CAMK4: variants seen among roughly 807,000 people sequenced by gnomAD.
The protein encoded by CAMK4 is calcium/calmodulin dependent protein kinase IV.
CAMK4 carries 22 observed loss-of-function variants against 44.9 expected under a neutral mutation model. That is an observed-to-expected ratio of 0.49 (90% CI 0.35 to 0.70). The LOEUF (loss-of-function observed/expected upper bound fraction) is 0.70. Among genes scored for constraint, CAMK4 ranks in the 30% least tolerant of loss-of-function variants. The pLI is 0.01. For synonymous variants in CAMK4, 218 were observed against 215.4 expected, an observed-to-expected ratio of 1.01 and a Z score of -0.11; for missense variants, 498 against 586.8, an observed-to-expected ratio of 0.85 and a Z score of 1.56.
intron 1 of CAMK4, among the ~76,000 whole-genome samples, chr5:111,308,789 A>C (rs941141906): frequency 2.0e-5 from 3 of 152,266 alleles, no homozygotes; most frequent in African/African-American, 7.2e-5. Flanking sequence ...CTGTAATCTT[A>C]AAATGAAACC....
At chr5:111,445,166 T>C (rs971115611) in intron 5 of CAMK4, among the ~76,000 whole-genome samples, 1 of 152,192 alleles carries the variant, frequency 6.6e-6, no homozygotes, top group African/African-American at 2.4e-5. Flanking sequence ...ATTGTATTAC[T>C]TGTAACTTTT....
intron 1 of CAMK4, among the ~76,000 whole-genome samples, chr5:111,227,075 G>A (rs1748225731): frequency 6.6e-6 from 1 of 152,190 alleles, no homozygotes; most frequent in East Asian, 1.9e-4. Context: ...TAAGTTTTCT[G>A]TACATGGCAG....
chr5:111,395,786 C>T (rs2112864122), intron 5 of CAMK4, among the ~76,000 whole-genome samples: 1 of 152,138 alleles, frequency 6.6e-6, no homozygotes, highest in Non-Finnish European at 1.5e-5. Context: ...CTAATATGTG[C>T]TGGAACACTT....
intron 1 of CAMK4, among the ~76,000 whole-genome samples, chr5:111,231,140 C>A (rs1748453384): frequency 6.6e-6 from 1 of 152,140 alleles, no homozygotes; most frequent in South Asian, 2.1e-4. Context: ...AGTATTAGCA[C>A]ATAAAGGATG....
intron 1 of CAMK4, among the ~76,000 whole-genome samples, chr5:111,334,769 C>T (rs1749326657): frequency 6.6e-6 from 1 of 150,952 alleles, no homozygotes; most frequent in African/African-American, 2.4e-5. Context: ...CCAGTAAGCA[C>T]ATAGATTGAA....
At chr5:111,238,168 C>G (rs1748817584) in intron 1 of CAMK4, among the ~76,000 whole-genome samples, 1 of 152,058 alleles carries the variant, frequency 6.6e-6, no homozygotes, top group African/African-American at 2.4e-5. Context: ...ACCCCTAGGC[C>G]CAGAGCACTT....
chr5:111,440,050 C>T (rs1187664042), intron 5 of CAMK4, among the ~76,000 whole-genome samples: 1 of 152,154 alleles, frequency 6.6e-6, no homozygotes, highest in Non-Finnish European at 1.5e-5. Context: ...TGAGTATAGC[C>T]AGAGAAAGCT....
At chr5:111,429,915 T>TA (rs1396308474) in intron 5 of CAMK4, among the ~76,000 whole-genome samples, 1 of 91,550 alleles carries the variant, frequency 1.1e-5, no homozygotes, top group Non-Finnish European at 2.2e-5. Context: ...CTCAAACTAT[T>TA]CCAAAAAAAA....
chr5:111,370,902 A>G (rs1750978651), intron 2 of CAMK4, among the ~76,000 whole-genome samples: 1 of 127,658 alleles, frequency 7.8e-6, no homozygotes, highest in Admixed American at 8.6e-5. Context: ...TGACAAAGCG[A>G]GACTCCATCT....
intron 1 of CAMK4, chr5:111,266,186 A>T (rs1317148586): frequency 3.2e-5 from 4 of 124,148 alleles, no homozygotes; most frequent in African/African-American, 1.2e-4. Flanking sequence ...TCCTAAATAA[A>T]TATATTCACA....
intron 8 of CAMK4, among the ~76,000 whole-genome samples, chr5:111,476,259 G>A (rs1043425913): frequency 8.5e-5 from 12 of 140,590 alleles, no homozygotes; most frequent in African/African-American, 1.5e-4. Flanking sequence ...GTGTGTGTGT[G>A]TGTGTGTGTG....
chr5:111,417,711 A>G lies in CAMK4; in HGVS notation c.459+22929A>G, dbSNP rs957934333. ...TATGCCTGTTCAACTCAAAATGATT[A>G]TAGGAAATTTCCAGATATTTGACTT... On this transcript the variant is annotated intron_variant, in intron 5 of 10. Coordinates refer to ENST00000282356, the MANE Select transcript of CAMK4 (RefSeq NM_001744.6). 2.0e-5 allele frequency among the ~76,000 whole-genome samples: 3 copies of G among 152,196 alleles called. 1 individual carries two copies. Among genetic ancestry groups the G allele is most frequent in the South Asian group, 4.1e-4 (2 of 4,834 alleles).
chr5:111,484,863 T>C lies in CAMK4; in HGVS notation c.*397T>C, dbSNP rs1203435476. 6.4e-6 allele frequency: 1 copy of C among 156,622 alleles called. No individual in the cohort carries two copies. The highest frequency in any genetic ancestry group is 1.4e-5 in the Non-Finnish European group (1 of 71,194). The allele number at this position is 156,622 out of a possible 1,614,324, so 9.7% of individuals were successfully genotyped here. On this transcript the variant is annotated 3_prime_UTR_variant, in exon 11 of 11. Transcript: ENST00000282356. The surrounding 1 kb of genome is among the most constrained non-coding windows in gnomAD (Gnocchi z 5.3). Reference sequence around the variant, plus strand: ...TTCCTTTGAACTACTGCTTAGCTAATACTAGGTAGTGCTAAAAGACATGTT... The same window carrying C: ...TTCCTTTGAACTACTGCTTAGCTAACACTAGGTAGTGCTAAAAGACATGTT...
intron 5 of CAMK4, among the ~76,000 whole-genome samples, chr5:111,402,444 A>G (rs1400580614): frequency 6.6e-6 from 1 of 152,270 alleles, no homozygotes; most frequent in Non-Finnish European, 1.5e-5. Context: ...GAAGTAACAC[A>G]AAAATAAATT....
intron 4 of CAMK4, among the ~76,000 whole-genome samples, chr5:111,378,587 A>G (rs554842039): frequency 5.9e-5 from 9 of 152,302 alleles, no homozygotes; most frequent in East Asian, 1.9e-4. Context: ...ATATATGTTG[A>G]CACTTCCTTA....
chr5:111,330,835 T>C (rs545061551), intron 1 of CAMK4, among the ~76,000 whole-genome samples: 53 of 151,668 alleles, frequency 3.5e-4, no homozygotes, highest in Non-Finnish European at 6.0e-4. Context: ...AATAGTTAGT[T>C]GATTTTTGGC....
At chr5:111,417,488 T>A (rs1302093040) in intron 5 of CAMK4, among the ~76,000 whole-genome samples, 2 of 152,006 alleles carry the variant, frequency 1.3e-5, no homozygotes, top group Non-Finnish European at 2.9e-5. Context: ...AGTGCTGGGA[T>A]TACAGGCATG....
chr5:111,242,985 G>A (rs915516228), intron 1 of CAMK4, among the ~76,000 whole-genome samples: 2 of 152,094 alleles, frequency 1.3e-5, no homozygotes, highest in Non-Finnish European at 2.9e-5. Context: ...GCACTGTGGC[G>A]AGGTCCTGTC....
intron 8 of CAMK4, among the ~76,000 whole-genome samples, chr5:111,474,520 C>A (rs1755170334): frequency 6.6e-6 from 1 of 152,204 alleles, no homozygotes; most frequent in South Asian, 2.1e-4. Context: ...ACCTGATTGC[C>A]TCCCAAGGGC....
Sources: allele counts gnomAD v4.1 joint callset (sites outside exome capture counted in the v4.1 genomes callset), GRCh38; gene constraint gnomAD v4.1.1; non-coding constraint Gnocchi (gnomAD v3.1); transcripts MANE v1.5; gene names NCBI Gene and HGNC (gene_info 2026-07-23, HGNC 2026-07-21).